FAM135B: variants seen among roughly 807,000 people sequenced by gnomAD.
The protein encoded by FAM135B is protein FAM135B.
Under a neutral mutation model 127.7 loss-of-function variants are expected in FAM135B, and 43 were observed. The observed-to-expected ratio is 0.34, with a 90% CI of 0.26 to 0.43. The LOEUF (loss-of-function observed/expected upper bound fraction) is 0.43. FAM135B is among the 20% of genes least tolerant of loss of function. FAM135B has a pLI of 1.00. For synonymous variants in FAM135B, 670 were observed against 665.1 expected, an observed-to-expected ratio of 1.01 and a Z score of -0.11; for missense variants, 1,558 against 1,725.6, an observed-to-expected ratio of 0.90 and a Z score of 1.72.
rs1173976891 is a variant in FAM135B, at chr8:138,177,377, T to G, written c.1073A>C (p.Lys358Thr). Residue 358 changes from lysine to threonine, a missense_variant, in exon 11 of 20, where the codon AAA (lysine) becomes ACA (threonine). By Grantham distance (78) the Lys-to-Thr change is moderately conservative. Transcript: ENST00000395297. The stretch of plus-strand genomic sequence containing the variant: ...CTCCTGAAATGTCAGGACTGCAAGT[T>G]TTTGGTGCTCCATGTAAAAGAAGGC... ...SEAFFYMEHQ[K>T]LAVLTFQENL... is the part of the protein sequence containing the mutation. 1.2e-6 allele frequency: 2 copies of G among 1,613,716 alleles called. No homozygotes were observed. The highest frequency in any genetic ancestry group is 2.2e-5 in the East Asian group (1 of 44,876).
At chr8:138,281,078 T>G (rs1824228801) in intron 3 of FAM135B, among the ~76,000 whole-genome samples, 1 of 152,126 alleles carries the variant, frequency 6.6e-6, no homozygotes, top group Non-Finnish European at 1.5e-5. Context: ...GGTGATTACA[T>G]TCCACACAGG....
intron 19 of FAM135B, among the ~76,000 whole-genome samples, chr8:138,136,944 A>G (rs1283194606): frequency 6.6e-6 from 1 of 152,216 alleles, no homozygotes; most frequent in East Asian, 1.9e-4. Flanking sequence ...TTCATAATCT[A>G]ATAAACATGT....
At chr8:138,306,456 A>C (rs1357536075) in intron 3 of FAM135B, among the ~76,000 whole-genome samples, 1 of 151,870 alleles carries the variant, frequency 6.6e-6, no homozygotes, top group African/African-American at 2.4e-5. Context: ...AAAAAAAAAA[A>C]AGAAAGAAAA....
intron 15 of FAM135B, 95 bp downstream of exon 15, chr8:138,145,864 T>A: frequency 1.4e-6 from 1 of 700,352 alleles, no homozygotes; most frequent in Non-Finnish European, 2.5e-6. Flanking sequence ...TCTCCTCCTA[T>A]CTGTGTGTGT....
chr8:138,464,158 C>T (rs949983427), intron 1 of FAM135B, among the ~76,000 whole-genome samples: 1 of 152,176 alleles, frequency 6.6e-6, no homozygotes. Flanking sequence ...GCATACCACC[C>T]TAGACCTTAA....
At chr8:138,367,306 T>C (rs1331153220) in intron 2 of FAM135B, 2 of 450,140 alleles carry the variant, frequency 4.4e-6, no homozygotes, top group South Asian at 1.6e-5. Context: ...GTTTCTTATA[T>C]AACCATTTCA....
intron 7 of FAM135B, among the ~76,000 whole-genome samples, chr8:138,203,063 G>C (rs1817271272): frequency 6.6e-6 from 1 of 152,136 alleles, no homozygotes; most frequent in Non-Finnish European, 1.5e-5. Flanking sequence ...TTACAGTTTA[G>C]TACTTGATAA....
At chr8:138,422,602 G>C (rs1834576393) in intron 1 of FAM135B, among the ~76,000 whole-genome samples, 1 of 151,846 alleles carries the variant, frequency 6.6e-6, no homozygotes, top group Admixed American at 6.6e-5. Context: ...CAATTAAAAA[G>C]TCAAAAAATA....
intron 2 of FAM135B, among the ~76,000 whole-genome samples, chr8:138,315,142 T>C (rs1478562615): frequency 2.6e-5 from 4 of 152,046 alleles, no homozygotes; most frequent in African/African-American, 9.7e-5. Flanking sequence ...AATAATCCAA[T>C]TTAAAAGGAC....
intron 1 of FAM135B, among the ~76,000 whole-genome samples, chr8:138,394,020 T>C (rs1476403529): frequency 6.6e-6 from 1 of 152,156 alleles, no homozygotes; most frequent in Non-Finnish European, 1.5e-5. Context: ...CAGGACACTT[T>C]GGTTCATGTG....
At chr8:138,368,140 G>A in intron 1 of FAM135B, 138 bp from the exon 2 acceptor site, 1 of 626,968 alleles carries the variant, frequency 1.6e-6, no homozygotes, top group Non-Finnish European at 2.8e-6. Context: ...ACCACTCAGG[G>A]TTCCTTTTAT....
chr8:138,387,287 T>C (rs1832275728), intron 1 of FAM135B, among the ~76,000 whole-genome samples: 1 of 152,054 alleles, frequency 6.6e-6, no homozygotes, highest in African/African-American at 2.4e-5. Context: ...CTGAACTAGG[T>C]CCAGGTCTCA....
At chr8:138,365,785 T>C (rs1323853113) in intron 2 of FAM135B, among the ~76,000 whole-genome samples, 6 of 152,210 alleles carry the variant, frequency 3.9e-5, no homozygotes, top group Non-Finnish European at 5.9e-5. Context: ...AATTTAGAGC[T>C]GTATGTAACT....
At chr8:138,137,500 T>C (rs894839702) in intron 18 of FAM135B, among the ~76,000 whole-genome samples, 2 of 152,066 alleles carry the variant, frequency 1.3e-5, no homozygotes, top group Non-Finnish European at 2.9e-5. Context: ...GCAGGGGCTT[T>C]GCGTTTGTGA....
chr8:138,327,792 A>AG (rs1284144977), intron 2 of FAM135B, among the ~76,000 whole-genome samples: 1 of 152,214 alleles, frequency 6.6e-6, no homozygotes, highest in Non-Finnish European at 1.5e-5. Flanking sequence ...AGGACTTCCA[A>AG]GGGGGTAAGA....
chr8:138,456,177 C>A (rs1227715744), intron 1 of FAM135B, among the ~76,000 whole-genome samples: 2 of 152,146 alleles, frequency 1.3e-5, no homozygotes, highest in African/African-American at 4.8e-5. Context: ...CACAATCACC[C>A]AAACACAACA....
At chr8:138,405,529 C>T (rs1833427799) in intron 1 of FAM135B, among the ~76,000 whole-genome samples, 1 of 151,882 alleles carries the variant, frequency 6.6e-6, no homozygotes, top group African/African-American at 2.4e-5. Context: ...CATGTCCCCA[C>T]AAAGGACATG....
intron 6 of FAM135B, among the ~76,000 whole-genome samples, chr8:138,245,180 G>T (rs1180781769): frequency 6.6e-6 from 1 of 152,194 alleles, no homozygotes; most frequent in Non-Finnish European, 1.5e-5. Flanking sequence ...CAAGGTTGCT[G>T]CAGACAAACT....
chr8:138,245,472 T>G (rs146263306), intron 6 of FAM135B, among the ~76,000 whole-genome samples: 1 of 152,124 alleles, frequency 6.6e-6, no homozygotes, highest in African/African-American at 2.4e-5. Context: ...CTGATGGTTT[T>G]ATAAGGGGCT....
Sources: gnomAD v4.1 joint callset for allele counts (sites outside exome capture counted in the v4.1 genomes callset) on GRCh38, gnomAD v4.1.1 for gene constraint, MANE v1.5 for transcripts, NCBI Gene and HGNC (gene_info 2026-07-23, HGNC 2026-07-21) for gene names.